PARP1: variants seen among roughly 807,000 people sequenced by gnomAD.
The protein encoded by PARP1 is poly [ADP-ribose] polymerase 1.
PARP1 carries 44 observed loss-of-function variants against 118.7 expected under a neutral mutation model. The observed-to-expected ratio is 0.37, with a 90% CI of 0.29 to 0.48. The LOEUF (loss-of-function observed/expected upper bound fraction) is 0.48. PARP1 is among the 20% of genes least tolerant of loss of function. The pLI is 0.99. For missense variants in PARP1, 1,100 were observed against 1,272.4 expected, an observed-to-expected ratio of 0.86 and a Z score of 2.06; for synonymous variants, 492 against 483.2, an observed-to-expected ratio of 1.02 and a Z score of -0.24.
At chr1:226,362,117 T>G in intron 21 of PARP1, 34 bp from the exon 22 acceptor site, 1 of 1,176,504 alleles carries the variant, frequency 8.5e-7, no homozygotes, top group Non-Finnish European at 1.3e-6. Context: ...ACATGAACTG[T>G]GAGTACAGAT....
intron 7 of PARP1, among the ~76,000 whole-genome samples, chr1:226,384,953 C>G (rs989466175): frequency 3.3e-5 from 5 of 152,168 alleles, no homozygotes; most frequent in Non-Finnish European, 5.9e-5. Context: ...GCAAAGGCCT[C>G]GGAGCAGCCA....
intron 18 of PARP1, among the ~76,000 whole-genome samples, chr1:226,365,541 C>T (rs1311193001): frequency 4.6e-5 from 7 of 152,110 alleles, no homozygotes; most frequent in Admixed American, 2.0e-4. Flanking sequence ...CCAACGCAGG[C>T]GGATCATCTG....
intron 15 of PARP1, 103 bp from the exon 16 acceptor site, chr1:226,368,424 G>A: frequency 6.8e-7 from 1 of 1,465,000 alleles, no homozygotes. Context: ...AGGTCCAGAA[G>A]TAGCGTGGTA....
chr1:226,377,037 G>A, intron 13 of PARP1, 71 bp downstream of exon 13: 1 of 1,335,604 alleles, frequency 7.5e-7, no homozygotes, highest in East Asian at 2.3e-5. Context: ...GATCCACGAT[G>A]TGGATTTTCT....
chr1:226,367,427 G>T, intron 17 of PARP1, 53 bp downstream of exon 17: 1 of 1,598,744 alleles, frequency 6.3e-7, no homozygotes. Context: ...GTTTGGGACC[G>T]CTGCTCTCAG....
intron 13 of PARP1, among the ~76,000 whole-genome samples, chr1:226,375,387 A>G (rs1373156297): frequency 6.6e-6 from 1 of 152,248 alleles, no homozygotes; most frequent in African/African-American, 2.4e-5. Context: ...GTATATCAGC[A>G]TCATTACAGT....
chr1:226,391,373 G>A (rs1664816710), intron 3 of PARP1, among the ~76,000 whole-genome samples: 1 of 152,082 alleles, frequency 6.6e-6, no homozygotes. Flanking sequence ...CTGCCAGCCT[G>A]CCCAGGTCCC....
chr1:226,390,733 G>T, intron 3 of PARP1, 109 bp from the exon 4 acceptor site: 2 of 963,310 alleles, frequency 2.1e-6, no homozygotes, highest in Non-Finnish European at 3.2e-6. Context: ...CCAAGCCAAG[G>T]CCTGCCCGCC....
At chr1:226,361,886 C>A in intron 22 of PARP1, 83 bp downstream of exon 22, 1 of 846,888 alleles carries the variant, frequency 1.2e-6, no homozygotes. Context: ...CTTGTCTGCC[C>A]CAGGTAATCT....
At position 226,361,484 on chromosome 1, in the gene PARP1, G is replaced by A; in HGVS notation, c.3021C>T (p.Phe1007=). The A allele has an allele frequency of 6.2e-7, 1 of 1,612,144 alleles. No homozygotes were observed. Among genetic ancestry groups the A allele is most frequent in the Non-Finnish European group, 8.5e-7 (1 of 1,178,238 alleles). ...ATTACCACAGGGAGGTCTTAAAATT[G>A]AATTTCAGTTTCAGCAGATACTTCA... ...VNLKYLLKLK[F]NFKTSLW The change falls in exon 23 of 23, where the codon TTC becomes TTT. Residue 1007 remains phenylalanine (F), a synonymous_variant. Coordinates refer to ENST00000366794, the MANE Select transcript of PARP1 (RefSeq NM_001618.4).
In PARP1 at chr1:226,388,704, T is replaced by G; in HGVS notation, c.669A>C (p.Lys223Asn). The G allele has an allele frequency of 6.2e-7, 1 of 1,614,152 alleles. No individual in the cohort carries two copies. Among genetic ancestry groups the G allele is most frequent in the South Asian group, 1.1e-5 (1 of 91,072 alleles). ...VDGVDEVAKKKSKKEKDKDSK... is the reference protein window; with the variant it reads ...VDGVDEVAKKNSKKEKDKDSK... ...TATCCTTGTCTTTTTCTTTTTTAGA[T>G]TTCTTCTTCGCCACTTCATCCACTC... The change falls in exon 5 of 23, where the codon AAA becomes AAC. Residue 223 changes from lysine (K) to asparagine (N), a missense_variant. Physicochemically the swap from Lys to Asn is moderately conservative, Grantham distance 94 (BLOSUM62 0). Around this residue, in one of 2 missense-constraint regions of PARP1, gnomAD observed 948 missense variants for 1,031.8 expected, o/e 0.92. Coordinates refer to ENST00000366794, the MANE Select transcript of PARP1 (RefSeq NM_001618.4).
intron 2 of PARP1, among the ~76,000 whole-genome samples, chr1:226,397,515 T>C (rs182535983): frequency 1.2e-4 from 18 of 152,248 alleles, no homozygotes; most frequent in Middle Eastern, 3.4e-3. Context: ...AAATCTCCTA[T>C]CAAATTATAA....
intron 6 of PARP1, 137 bp downstream of exon 6, chr1:226,386,189 A>G: frequency 2.8e-6 from 2 of 707,708 alleles, no homozygotes; most frequent in South Asian, 3.0e-5. Context: ...GTGCAACACA[A>G]CCACGATTTA....
chr1:226,362,175 G>A, intron 21 of PARP1, 92 bp from the exon 22 acceptor site: 2 of 734,360 alleles, frequency 2.7e-6, no homozygotes, highest in Non-Finnish European at 4.8e-6. Context: ...TTGGGTCCAT[G>A]TGGTCTTTCT....
rs73089894 is a variant in PARP1 at position 226,393,058 on chromosome 1, G to A, written c.287-744C>T. 1.5e-3 allele frequency: 1,894 copies of A among 1,284,390 alleles called. 31 individuals carry two copies. The African/African-American group carries it at 0.026, about 17-fold the overall frequency. The allele number at this position is 1,284,390 out of a possible 1,614,324, so 79.6% of individuals were successfully genotyped here. Reference sequence around the variant, plus strand: ...ATAGTAAGTAAAGCCATCTCTACTTGTAGATGATTCTATTTGATATTCCTA... The same window carrying A: ...ATAGTAAGTAAAGCCATCTCTACTTATAGATGATTCTATTTGATATTCCTA... On this transcript the variant is annotated intron_variant, in intron 2 of 22. Coordinates refer to ENST00000366794, the MANE Select transcript of PARP1 (RefSeq NM_001618.4).
At chr1:226,378,114 T>C (rs1664530545) in intron 12 of PARP1, among the ~76,000 whole-genome samples, 1 of 152,094 alleles carries the variant, frequency 6.6e-6, no homozygotes, top group South Asian at 2.1e-4. Context: ...TGAAAATTTT[T>C]TCTGACCCTA....
chr1:226,395,975 A>C (rs1276688953), intron 2 of PARP1, among the ~76,000 whole-genome samples: 3 of 152,202 alleles, frequency 2.0e-5, no homozygotes, highest in Non-Finnish European at 4.4e-5. Flanking sequence ...AAGATGAAAA[A>C]GTTCTGGAGC....
intron 2 of PARP1, chr1:226,392,929 A>G: frequency 1.3e-6 from 2 of 1,569,730 alleles, no homozygotes; most frequent in Non-Finnish European, 1.7e-6. Flanking sequence ...AAGATTAGGA[A>G]TAAGACGAAG....
chr1:226,381,674 G>C (rs3219073), intron 8 of PARP1, among the ~76,000 whole-genome samples: 34,272 of 152,170 alleles, frequency 0.23, 4,632 homozygotes, highest in African/African-American at 0.36. Flanking sequence ...CCTCAAAGCA[G>C]TGGCCAGCAC....
Sources: allele counts gnomAD v4.1 joint callset (sites outside exome capture counted in the v4.1 genomes callset), GRCh38; gene constraint gnomAD v4.1.1; regional missense constraint gnomAD v4.1.1; transcripts MANE v1.5; gene names NCBI Gene and HGNC (gene_info 2026-07-23, HGNC 2026-07-21).